MTMR7: variants seen among roughly 807,000 people sequenced by gnomAD.
MTMR7 encodes the protein phosphatidylinositol-3-phosphate phosphatase MTMR7.
MTMR7 carries 76 observed loss-of-function variants against 81.2 expected under a neutral mutation model. The ratio of observed to expected loss-of-function variants is 0.94; its 90% CI spans 0.78 to 1.13. The LOEUF (loss-of-function observed/expected upper bound fraction) is 1.13, where lower values mean the gene tolerates loss of function less well. MTMR7 is among the 50% of genes most tolerant of loss of function. The pLI, the probability that MTMR7 is intolerant of heterozygous loss-of-function variation, is 0.00. For synonymous variants in MTMR7, 372 were observed against 289.8 expected (o/e 1.28, Z -2.88); for missense variants, 1,044 against 820.0 (o/e 1.27, Z -3.34).
chr8:17,304,325 G>T (rs1554504462), intron 12 of MTMR7, 54 bp downstream of exon 12: 3 of 1,583,012 alleles, frequency 1.9e-6, no homozygotes, highest in Non-Finnish European at 8.7e-7. Context: ...ATGTTAAACG[G>T]TACCAGAATC....
chr8:17,328,777 A>G (rs1818831993), intron 7 of MTMR7, among the ~76,000 whole-genome samples: 2 of 152,216 alleles, frequency 1.3e-5, no homozygotes, highest in Non-Finnish European at 2.9e-5. Flanking sequence ...GCCAGTATCT[A>G]TATTATCAAA....
intron 8 of MTMR7, 143 bp downstream of exon 8, chr8:17,313,149 C>T (rs1207131480): frequency 2.0e-6 from 1 of 507,502 alleles, no homozygotes. Flanking sequence ...CTTCAGCGCA[C>T]AGACTACGGA....
chr8:17,312,836 T>G (rs563837127), intron 8 of MTMR7, among the ~76,000 whole-genome samples: 1 of 152,110 alleles, frequency 6.6e-6, no homozygotes. Context: ...ACAAAAGACA[T>G]TGCATTCTAA....
At chr8:17,302,084 G>C in intron 13 of MTMR7, 70 bp downstream of exon 13, 8 of 1,588,880 alleles carry the variant, frequency 5.0e-6, no homozygotes, top group Non-Finnish European at 6.0e-6. Flanking sequence ...AATCTTAAGA[G>C]GCTTTCATGA....
intron 1 of MTMR7, among the ~76,000 whole-genome samples, chr8:17,393,681 CA>C (rs150337752): frequency 0.04 from 6,136 of 152,126 alleles, 292 homozygotes; most frequent in African/African-American, 0.11. Context: ...GGGAACAACA[CA>C]CACTGGGGCC....
rs1478413786 is a variant in MTMR7 at position 17,300,084 on chromosome 8, T to C, written c.1761A>G (p.Lys587=). The change falls in exon 14 of 14, where the codon AAA becomes AAG. Residue 587 remains lysine, a synonymous_variant. Transcript: ENST00000180173. ...GTGAAGGGCTCCGGGATGGAAATGA[T>C]TTCATATTCCCACTGTAATCCTGGG... ...NTPQDYSGNM[K]SFPSRSPSQG... 5.6e-6 allele frequency: 9 copies of C among 1,614,068 alleles called. No individual in the cohort carries two copies. The South Asian group carries it at 8.8e-5, about 16-fold the overall frequency.
intron 5 of MTMR7, among the ~76,000 whole-genome samples, chr8:17,347,207 A>G (rs1563349875): frequency 6.6e-6 from 1 of 152,088 alleles, no homozygotes; most frequent in Non-Finnish European, 1.5e-5. Context: ...AAAAAAAAAA[A>G]AAAAATCACA....
At chr8:17,322,566 T>C (rs1178690422) in intron 7 of MTMR7, among the ~76,000 whole-genome samples, 1 of 152,164 alleles carries the variant, frequency 6.6e-6, no homozygotes, top group Non-Finnish European at 1.5e-5. Context: ...ATGCCTGTAA[T>C]CCCAGAACTT....
At chr8:17,303,851 C>T (rs966987597) in intron 12 of MTMR7, among the ~76,000 whole-genome samples, 5 of 152,150 alleles carry the variant, frequency 3.3e-5, no homozygotes, top group African/African-American at 1.2e-4. Context: ...CTAGGGTGAT[C>T]CACCCGCCTC....
chr8:17,412,162 T>C (rs1821753336), intron 1 of MTMR7, among the ~76,000 whole-genome samples: 1 of 152,234 alleles, frequency 6.6e-6, no homozygotes, highest in African/African-American at 2.4e-5. Context: ...CTAAAAGATT[T>C]CTTCTTCCAA....
At chr8:17,381,557 A>G (rs1028596971) in intron 1 of MTMR7, among the ~76,000 whole-genome samples, 6 of 152,212 alleles carry the variant, frequency 3.9e-5, no homozygotes, top group South Asian at 4.1e-4. Flanking sequence ...TGAGGAATCC[A>G]AAGTGCAGGG....
chr8:17,303,295 G>T (rs76042047), intron 12 of MTMR7, among the ~76,000 whole-genome samples: 2,944 of 152,132 alleles, frequency 0.019, 102 homozygotes, highest in African/African-American at 0.067. Flanking sequence ...GGAGGCTTTT[G>T]TTTAGTATGA....
chr8:17,341,834 AAAAT>A (rs1200397051), intron 5 of MTMR7, among the ~76,000 whole-genome samples: 2 of 152,214 alleles, frequency 1.3e-5, no homozygotes, highest in Non-Finnish European at 2.9e-5. Context: ...GAAAAAATAC[AAAAT>A]AAATAACCGT....
intron 1 of MTMR7, among the ~76,000 whole-genome samples, chr8:17,393,940 C>T (rs1821175858): frequency 6.6e-6 from 1 of 152,082 alleles, no homozygotes; most frequent in African/African-American, 2.4e-5. Context: ...AGCTAATAAG[C>T]ACATAAAAAG....
intron 6 of MTMR7, among the ~76,000 whole-genome samples, chr8:17,340,935 T>G (rs969741125): frequency 6.6e-6 from 1 of 152,226 alleles, no homozygotes; most frequent in Non-Finnish European, 1.5e-5. Flanking sequence ...GTCATAGGTA[T>G]AGATTACTAC....
At chr8:17,333,988 A>G (rs1340101094) in intron 6 of MTMR7, among the ~76,000 whole-genome samples, 1 of 152,236 alleles carries the variant, frequency 6.6e-6, no homozygotes, top group Non-Finnish European at 1.5e-5. Flanking sequence ...AAAAATTAAA[A>G]TATTATTTTA....
intron 1 of MTMR7, among the ~76,000 whole-genome samples, chr8:17,392,841 T>G (rs1260060088): frequency 6.6e-6 from 1 of 152,212 alleles, no homozygotes; most frequent in East Asian, 1.9e-4. Flanking sequence ...TTCTTTTTAT[T>G]CTCAAATTTC....
intron 1 of MTMR7, among the ~76,000 whole-genome samples, chr8:17,376,170 TACA>T (rs1271145651): frequency 6.6e-6 from 1 of 152,242 alleles, no homozygotes; most frequent in Non-Finnish European, 1.5e-5. Context: ...AACAGAATCA[TACA>T]ACATGTCATA....
intron 5 of MTMR7, among the ~76,000 whole-genome samples, chr8:17,343,995 C>G (rs1819480282): frequency 6.6e-6 from 1 of 152,096 alleles, no homozygotes; most frequent in African/African-American, 2.4e-5. Flanking sequence ...TACAATGCTA[C>G]TAATAATTAA....
Sources: allele counts gnomAD v4.1 joint callset (sites outside exome capture counted in the v4.1 genomes callset), GRCh38; gene constraint gnomAD v4.1.1; transcripts MANE v1.5; gene names NCBI Gene and HGNC (gene_info 2026-07-23, HGNC 2026-07-21).